The following KIRREL3 variants were observed in gnomAD, a reference collection of about 807,000 sequenced individuals.
KIRREL3 encodes the protein kirre like nephrin family adhesion molecule 3, also known as kin of IRRE-like protein 3.
Under a neutral mutation model 89.7 loss-of-function variants are expected in KIRREL3, and 36 were observed. The observed-to-expected ratio is 0.40, with a 90% CI of 0.31 to 0.53. KIRREL3 has a LOEUF of 0.53. Ranked by LOEUF, KIRREL3 falls within the 20% of genes least tolerant of loss-of-function variation. The probability of loss-of-function intolerance (pLI) is 0.49; values close to 1 mark genes in which losing one functional copy is unlikely to be tolerated. For missense variants in KIRREL3, 864 were observed against 1,056.6 expected (o/e 0.82, Z 2.53); for synonymous variants, 445 against 441.4 (o/e 1.01, Z -0.10).
In KIRREL3 at chr11:126,555,310, A is replaced by T. The variant is rs1162662845; in HGVS notation, c.133+7525T>A. 6.6e-6 allele frequency among the ~76,000 whole-genome samples: 1 copy of T among 152,218 alleles called. No homozygotes were observed. The highest frequency in any genetic ancestry group is 1.5e-5 in the Non-Finnish European group (1 of 68,040). Reference sequence around the variant, plus strand: ...AAACAAGCCACTCCAGTTCCCACCCACAAAGAGGGTCAAGGTTAAGGGAAT... The same window carrying T: ...AAACAAGCCACTCCAGTTCCCACCCTCAAAGAGGGTCAAGGTTAAGGGAAT... On this transcript the variant is annotated intron_variant, in intron 2 of 16. Coordinates refer to ENST00000525144, the MANE Select transcript of KIRREL3 (RefSeq NM_032531.4). This position sits in a 1 kb window ranked among gnomAD's most constrained non-coding sequence, Gnocchi z 4.2.
intron 4 of KIRREL3, among the ~76,000 whole-genome samples, chr11:126,510,035 A>C (rs1366390663): frequency 6.6e-6 from 1 of 150,770 alleles, no homozygotes. Flanking sequence ...AGAAAAAAAG[A>C]AAAAAAAGAA....
rs764510902 is a variant in KIRREL3 at position 126,766,656 on chromosome 11, G to T, written c.56-203744C>A. On this transcript the variant is annotated intron_variant, in intron 1 of 16. Coordinates refer to ENST00000525144, the MANE Select transcript of KIRREL3 (RefSeq NM_032531.4). This position sits in a 1 kb window ranked among gnomAD's most constrained non-coding sequence, Gnocchi z 4.2. ...TTCCTCAAATGGGGAGTGTACACAC[G>T]GAAGTTCTTTTCTGGGGCTTTGATA... 6.6e-6 allele frequency among the ~76,000 whole-genome samples: 1 copy of T among 152,108 alleles called. No individual in the cohort carries two copies. Among genetic ancestry groups the T allele is most frequent in the East Asian group, 1.9e-4 (1 of 5,178 alleles).
rs975712305 is a variant in KIRREL3 at position 126,802,340 on chromosome 11, G to A, written c.55+198115C>T. 3.3e-5 allele frequency among the ~76,000 whole-genome samples: 5 copies of A among 152,266 alleles called. No homozygotes were observed. Among genetic ancestry groups the A allele is most frequent in the Non-Finnish European group, 4.4e-5 (3 of 68,016 alleles). ...CAGGGAGATGGCGTTAGTGCCAGGC[G>A]GCCCGTGGAGAAAAGCTTTCGCTAT... On this transcript the variant is annotated intron_variant, in intron 1 of 16. Coordinates refer to ENST00000525144, the MANE Select transcript of KIRREL3 (RefSeq NM_032531.4). This position sits in a 1 kb window ranked among gnomAD's most constrained non-coding sequence, Gnocchi z 5.2.
chr11:126,554,242 G>A (rs770387029), intron 2 of KIRREL3, among the ~76,000 whole-genome samples: 3 of 152,182 alleles, frequency 2.0e-5, no homozygotes, highest in Non-Finnish European at 2.9e-5. Context: ...TGGGTCCTGC[G>A]CACCCACCTT....
chr11:126,798,135 C>G (rs1307168776), intron 1 of KIRREL3, among the ~76,000 whole-genome samples: 1 of 152,182 alleles, frequency 6.6e-6, no homozygotes, highest in East Asian at 1.9e-4. Context: ...CTCCAGGCAG[C>G]ATCTGTGCAA....
Position 126,927,854 on chromosome 11 carries a change from C to CA in KIRREL3, c.55+72600dup, listed in dbSNP as rs376196233. ...GCAGCACCATCCAGACAAGGCTGTC[C>CA]AGGCAGGAGGTCCTGCACATCCACC... On this transcript the variant is annotated intron_variant, in intron 1 of 16. Transcript: ENST00000525144. 1.3e-3 allele frequency among the ~76,000 whole-genome samples: 196 copies of CA among 152,358 alleles called. 1 individual carries two copies. Among genetic ancestry groups the CA allele is most frequent in the Non-Finnish European group, 2.2e-3 (152 of 68,038 alleles).
rs1005661581 is a variant in KIRREL3, at chr11:126,551,474, C to T, written c.133+11361G>A. Among the ~76,000 whole-genome samples, 13 of 152,278 alleles carry T rather than the reference C, an allele frequency of 8.5e-5. No homozygotes were observed. The highest frequency in any genetic ancestry group is 2.0e-4 in the Admixed American group (3 of 15,294). ...CCGGGAACCGTGGATGAAATCCCCC[C>T]ACCCCATGCGCCTCTATATAGAAAC... On this transcript the variant is annotated intron_variant, in intron 2 of 16. Transcript: ENST00000525144. The surrounding 1 kb of genome is among the most constrained non-coding windows in gnomAD (Gnocchi z 4.9).
At chr11:126,878,209 C>A (rs1377976534) in intron 1 of KIRREL3, among the ~76,000 whole-genome samples, 1 of 152,114 alleles carries the variant, frequency 6.6e-6, no homozygotes. Flanking sequence ...TCAAAAACTC[C>A]CTGTAGGACA....
rs980285821 is a variant in KIRREL3, at chr11:126,578,274, C to T, written c.56-15362G>A. Among the ~76,000 whole-genome samples, 7 of 152,236 alleles carry T rather than the reference C, an allele frequency of 4.6e-5. No homozygotes were observed. Among genetic ancestry groups the T allele is most frequent in the African/African-American group, 1.7e-4 (7 of 41,468 alleles). On this transcript the variant is annotated intron_variant, in intron 1 of 16. Coordinates refer to ENST00000525144, the MANE Select transcript of KIRREL3 (RefSeq NM_032531.4). This position sits in a 1 kb window ranked among gnomAD's most constrained non-coding sequence, Gnocchi z 4.9. ...CCCAGGAAATGCTCCCTCCCTCTCC[C>T]CTCCAGCTTCTCTGCAAATGCAAGA... is the stretch of plus-strand genomic sequence containing the variant.
chr11:126,725,665 T>C (rs928963610), intron 1 of KIRREL3, among the ~76,000 whole-genome samples: 1 of 152,216 alleles, frequency 6.6e-6, no homozygotes, highest in Non-Finnish European at 1.5e-5. Context: ...GGTGCACTGC[T>C]GCAGGCTGGA....
Position 126,715,934 on chromosome 11 carries a change from G to A in KIRREL3, c.56-153022C>T, listed in dbSNP as rs1233657458. Among the ~76,000 whole-genome samples the A allele has an allele frequency of 6.6e-6, 1 of 152,158 alleles. No homozygotes were observed. The highest frequency in any genetic ancestry group is 1.5e-5 in the Non-Finnish European group (1 of 68,038). ...AATGGCTCCTCTCTGACTTAGCACA[G>A]GATGCAATTTATCTTCAGAGAGTAC... is the stretch of plus-strand genomic sequence containing the variant. On this transcript the variant is annotated intron_variant, in intron 1 of 16. Coordinates refer to ENST00000525144, the MANE Select transcript of KIRREL3 (RefSeq NM_032531.4). This position sits in a 1 kb window ranked among gnomAD's most constrained non-coding sequence, Gnocchi z 4.4.
intron 1 of KIRREL3, among the ~76,000 whole-genome samples, chr11:126,963,761 A>G (rs531228591): frequency 6.6e-6 from 1 of 152,252 alleles, no homozygotes; most frequent in East Asian, 1.9e-4. Context: ...AACTTCCCTG[A>G]CTACTCCCTG....
intron 1 of KIRREL3, among the ~76,000 whole-genome samples, chr11:126,968,396 C>T (rs1205913206): frequency 6.6e-6 from 1 of 152,138 alleles, no homozygotes; most frequent in Non-Finnish European, 1.5e-5. Context: ...GCTAATGTAT[C>T]AGGACGGAGA....
chr11:126,876,010 G>A lies in KIRREL3; in HGVS notation c.55+124445C>T, dbSNP rs1364129993. Reference sequence around the variant, plus strand: ...TTGAATCTCGGGTTCCCTGGAGGTAGGGAGTGCAGCATGGCACTGCTTGGC... The same window carrying A: ...TTGAATCTCGGGTTCCCTGGAGGTAAGGAGTGCAGCATGGCACTGCTTGGC... On this transcript the variant is annotated intron_variant, in intron 1 of 16. Coordinates refer to ENST00000525144, the MANE Select transcript of KIRREL3 (RefSeq NM_032531.4). The surrounding 1 kb of genome is among the most constrained non-coding windows in gnomAD (Gnocchi z 4.1). Among the ~76,000 whole-genome samples, 1 of 152,184 alleles carries A rather than the reference G, an allele frequency of 6.6e-6. No homozygotes were observed. Among genetic ancestry groups the A allele is most frequent in the Non-Finnish European group, 1.5e-5 (1 of 68,016 alleles).
intron 8 of KIRREL3, among the ~76,000 whole-genome samples, chr11:126,447,614 C>T (rs1395283528): frequency 6.6e-6 from 1 of 152,164 alleles, no homozygotes; most frequent in East Asian, 1.9e-4. Context: ...GCAGGCTCCT[C>T]TCCACCTTCC....
chr11:126,874,182 C>T (rs1945198401), intron 1 of KIRREL3, among the ~76,000 whole-genome samples: 1 of 152,212 alleles, frequency 6.6e-6, no homozygotes, highest in Admixed American at 6.5e-5. Flanking sequence ...ATCGAAAGGT[C>T]TCTGAGTTAG....
rs574101930 is a variant in KIRREL3 at position 126,694,614 on chromosome 11, G to A, written c.56-131702C>T. Among the ~76,000 whole-genome samples the A allele has an allele frequency of 2.6e-5, 4 of 152,230 alleles. No homozygotes were observed. Among genetic ancestry groups the A allele is most frequent in the East Asian group, 1.9e-4 (1 of 5,178 alleles). ...CTGCTCTTGTGGATGAATGAATGGC[G>A]GTGACAAATCAAACTTTAATCTGGC... On this transcript the variant is annotated intron_variant, in intron 1 of 16. Coordinates refer to ENST00000525144, the MANE Select transcript of KIRREL3 (RefSeq NM_032531.4). This position sits in a 1 kb window ranked among gnomAD's most constrained non-coding sequence, Gnocchi z 4.4.
At position 126,427,267 on chromosome 11, in the gene KIRREL3, C is replaced by T. The variant is rs1035389724; in HGVS notation, c.1807-1543G>A. ...TGTGTTAATTTTAACAGTGTCAGGC[C>T]CTGTGTTAGGCCCCAGGGGAAATAG... On this transcript the variant is annotated intron_variant, in intron 15 of 16. Coordinates refer to ENST00000525144, the MANE Select transcript of KIRREL3 (RefSeq NM_032531.4). The surrounding 1 kb of genome is among the most constrained non-coding windows in gnomAD (Gnocchi z 5.3). Among the ~76,000 whole-genome samples, 12 of 152,124 alleles carry T rather than the reference C, an allele frequency of 7.9e-5. No homozygotes were observed. The highest frequency in any genetic ancestry group is 2.9e-4 in the African/African-American group (12 of 41,420).
In KIRREL3 at chr11:126,876,996, A is replaced by G. The variant is rs1302897506; in HGVS notation, c.55+123459T>C. Among the ~76,000 whole-genome samples the G allele has an allele frequency of 1.3e-5, 2 of 152,236 alleles. No individual in the cohort carries two copies. The highest frequency in any genetic ancestry group is 6.5e-5 in the Admixed American group (1 of 15,280). On this transcript the variant is annotated intron_variant, in intron 1 of 16. Coordinates refer to ENST00000525144, the MANE Select transcript of KIRREL3 (RefSeq NM_032531.4). This position sits in a 1 kb window ranked among gnomAD's most constrained non-coding sequence, Gnocchi z 4.1. ...TACTGGGCACCCAGGAAAAGGAACA[A>G]CAGATAAGGAAGAGGTGCAAGCTGC...
Sources: gnomAD v4.1 joint callset for allele counts (sites outside exome capture counted in the v4.1 genomes callset) on GRCh38, gnomAD v4.1.1 for gene constraint, Gnocchi (gnomAD v3.1) non-coding constraint, MANE v1.5 for transcripts, NCBI Gene and HGNC (gene_info 2026-07-23, HGNC 2026-07-21) for gene names.